The following DMD variants were observed in gnomAD, a reference collection of about 807,000 sequenced individuals.
DMD encodes the protein dystrophin, also known as mutant dystrophin.
Under a neutral mutation model 330.1 loss-of-function variants are expected in DMD, and 63 were observed. The observed-to-expected ratio is 0.19, with a 90% confidence interval of 0.16 to 0.24. The LOEUF (loss-of-function observed/expected upper bound fraction) is 0.24. Among genes scored for constraint, DMD ranks in the 10% least tolerant of loss-of-function variants. DMD has a pLI of 1.00. For synonymous variants in DMD, 1,223 were observed against 959.8 expected (o/e 1.27, Z -5.07); for missense variants, 3,344 against 2,684.1 (o/e 1.25, Z -5.43).
At chrX:33,243,493 T>G (rs1207351800) in intron 1 of DMD, among the ~76,000 whole-genome samples, 2 of 111,888 alleles carry the variant, frequency 1.8e-5, no homozygotes, top group African/African-American at 6.5e-5. Context: ...AGAATGGAGA[T>G]TTCTCTAAGA....
intron 7 of DMD, among the ~76,000 whole-genome samples, chrX:32,701,982 T>C (rs2064179884): frequency 8.9e-6 from 1 of 112,028 alleles, no homozygotes; most frequent in South Asian, 3.7e-4. Context: ...TGAGATTATG[T>C]GGAATTCAAA....
At chrX:31,271,163 C>T (rs977555464) in intron 62 of DMD, among the ~76,000 whole-genome samples, 7 of 111,406 alleles carry the variant, frequency 6.3e-5, no homozygotes, top group Non-Finnish European at 1.1e-4. Context: ...TAGCATTCTC[C>T]GAGCTAGGAA....
At chrX:32,310,439 T>A (rs924099441) in intron 41 of DMD, among the ~76,000 whole-genome samples, 163 bp from the exon 42 acceptor site, 3 of 110,946 alleles carry the variant, frequency 2.7e-5, no homozygotes, top group African/African-American at 9.8e-5. Flanking sequence ...AAAACGGTGA[T>A]TTATTAATTA....
At chrX:31,671,130 T>G (rs186729615) in intron 53 of DMD, among the ~76,000 whole-genome samples, 2 of 111,746 alleles carry the variant, frequency 1.8e-5, no homozygotes, top group African/African-American at 6.5e-5. Context: ...GCCAGGATGG[T>G]CTCAATCTCC....
At chrX:32,777,277 T>TGGGGGGAGGGGGGGGTTGGG (rs1557019895) in intron 7 of DMD, among the ~76,000 whole-genome samples, 1 of 2,111 alleles carries the variant, frequency 4.7e-4, no homozygotes, top group Non-Finnish European at 7.0e-4. Context: ...GGTTTCTGGT[T>TGGGGGGAGGGGGGGGTTGGG]GGGGGGGGAA....
intron 3 of DMD, among the ~76,000 whole-genome samples, chrX:32,845,916 G>A (rs2080616449): frequency 8.9e-6 from 1 of 111,998 alleles, no homozygotes; most frequent in Non-Finnish European, 1.9e-5. Context: ...AAGAGAATTC[G>A]ACATACTTTC....
chrX:31,538,850 C>G (rs1485192719), intron 55 of DMD, among the ~76,000 whole-genome samples: 2 of 110,794 alleles, frequency 1.8e-5, no homozygotes, highest in Admixed American at 9.6e-5. Context: ...GCAAGTTGTA[C>G]ACCGAGAAAA....
intron 44 of DMD, among the ~76,000 whole-genome samples, chrX:32,019,261 G>A (rs946907841): frequency 4.5e-5 from 5 of 110,315 alleles, no homozygotes; most frequent in Non-Finnish European, 9.5e-5. Flanking sequence ...ACTTGTCTGG[G>A]CTCACTAGAT....
chrX:33,000,911 C>A (rs2093264357), intron 2 of DMD, among the ~76,000 whole-genome samples: 1 of 111,286 alleles, frequency 9.0e-6, no homozygotes, highest in African/African-American at 3.3e-5. Context: ...ATATATCTTT[C>A]TATTCTACTA....
intron 3 of DMD, among the ~76,000 whole-genome samples, chrX:32,849,510 C>A (rs1414631173): frequency 1.8e-5 from 2 of 111,474 alleles, no homozygotes; most frequent in African/African-American, 6.5e-5. Context: ...TGAATAATAT[C>A]TATTAATATA....
intron 20 of DMD, among the ~76,000 whole-genome samples, chrX:32,490,931 C>G (rs778875986): frequency 8.9e-6 from 1 of 111,881 alleles, no homozygotes; most frequent in Non-Finnish European, 1.9e-5. Context: ...TCCACTTTTT[C>G]AAAATGACTA....
chrX:33,310,060 C>A (rs1381764367), intron 1 of DMD, among the ~76,000 whole-genome samples: 1 of 110,589 alleles, frequency 9.0e-6, no homozygotes, highest in Non-Finnish European at 1.9e-5. Context: ...AACCAAGGCA[C>A]CTTTTTCTAC....
chrX:32,742,785 G>A (rs2148197134), intron 7 of DMD, among the ~76,000 whole-genome samples: 1 of 112,222 alleles, frequency 8.9e-6, no homozygotes, highest in South Asian at 3.7e-4. Flanking sequence ...TATTTGACAA[G>A]TAAGTAATCT....
chrX:33,295,152 A>T (rs1250357493), intron 1 of DMD, among the ~76,000 whole-genome samples: 2 of 111,776 alleles, frequency 1.8e-5, no homozygotes, highest in Admixed American at 1.9e-4. Context: ...TAAATAAATT[A>T]TATTAAAGCA....
intron 55 of DMD, among the ~76,000 whole-genome samples, chrX:31,590,498 G>A (rs1222050111): frequency 1.8e-5 from 2 of 111,345 alleles, no homozygotes; most frequent in African/African-American, 3.3e-5. Flanking sequence ...TCCTAGACTA[G>A]TGTACCCCAT....
chrX:32,544,075 C>A (rs1377170410), intron 17 of DMD, among the ~76,000 whole-genome samples: 1 of 111,795 alleles, frequency 8.9e-6, no homozygotes, highest in Non-Finnish European at 1.9e-5. Context: ...ATGAGCCATA[C>A]CAAACTGGCA....
At chrX:33,003,490 A>G (rs1468233137) in intron 2 of DMD, among the ~76,000 whole-genome samples, 1 of 112,068 alleles carries the variant, frequency 8.9e-6, no homozygotes, top group East Asian at 2.8e-4. Flanking sequence ...CTTACCTATA[A>G]CAAAGTGGAA....
intron 60 of DMD, among the ~76,000 whole-genome samples, chrX:31,426,035 G>A (rs1251788823): frequency 9.0e-6 from 1 of 111,575 alleles, no homozygotes; most frequent in Non-Finnish European, 1.9e-5. Flanking sequence ...CATCAGAAAC[G>A]CTGGGAGCAG....
At chrX:32,354,560 CTTAT>C (rs1276656304) in intron 37 of DMD, among the ~76,000 whole-genome samples, 1 of 111,248 alleles carries the variant, frequency 9.0e-6, no homozygotes, top group Admixed American at 9.6e-5. Context: ...GGTTTATAAA[CTTAT>C]TTATTCTATT....
Sources: gnomAD v4.1 joint callset for allele counts (sites outside exome capture counted in the v4.1 genomes callset) on GRCh38, gnomAD v4.1.1 for gene constraint, MANE v1.5 for transcripts, NCBI Gene and HGNC (gene_info 2026-07-23, HGNC 2026-07-21) for gene names.